The following MTMR7 variants were observed in gnomAD, a reference collection of about 807,000 sequenced individuals.
The protein encoded by MTMR7 is myotubularin related protein 7, also known as phosphatidylinositol-3-phosphate phosphatase MTMR7.
Under a neutral mutation model 81.2 loss-of-function variants are expected in MTMR7, and 76 were observed. That is an observed-to-expected ratio of 0.94 (90% CI 0.78 to 1.13). The LOEUF is 1.13. Among genes scored for constraint, MTMR7 ranks in the 50% most tolerant of loss-of-function variants. MTMR7 has a pLI of 0.00. For missense variants in MTMR7, 1,044 were observed against 820.0 expected (o/e 1.27, Z -3.34); for synonymous variants, 372 against 289.8 (o/e 1.28, Z -2.88).
intron 3 of MTMR7, among the ~76,000 whole-genome samples, chr8:17,368,692 A>T (rs1289822627): frequency 6.6e-6 from 1 of 152,206 alleles, no homozygotes; most frequent in East Asian, 1.9e-4. Context: ...CTTTAACATT[A>T]CACTGTGAAC....
chr8:17,404,957 C>T (rs1392498963), intron 1 of MTMR7, among the ~76,000 whole-genome samples: 4 of 152,148 alleles, frequency 2.6e-5, no homozygotes, highest in Admixed American at 2.0e-4. Flanking sequence ...TCCAGAGTAG[C>T]TAGGATTACA....
At chr8:17,351,253 T>G (rs183090347) in intron 4 of MTMR7, among the ~76,000 whole-genome samples, 175 of 152,358 alleles carry the variant, frequency 1.1e-3, no homozygotes, top group African/African-American at 4.0e-3. Flanking sequence ...AACAGTAACA[T>G]GCAAGATTTG....
chr8:17,367,298 C>A (rs575829035), intron 3 of MTMR7, among the ~76,000 whole-genome samples: 1 of 152,078 alleles, frequency 6.6e-6, no homozygotes, highest in South Asian at 2.1e-4. Context: ...TGTTGAAGTA[C>A]CCACAAACAC....
At chr8:17,384,230 A>G (rs540988907) in intron 1 of MTMR7, among the ~76,000 whole-genome samples, 1 of 152,096 alleles carries the variant, frequency 6.6e-6, no homozygotes, top group South Asian at 2.1e-4. Context: ...GGGCAACAAG[A>G]TGAGATCCCC....
intron 3 of MTMR7, among the ~76,000 whole-genome samples, chr8:17,369,469 C>T (rs4921765): frequency 0.15 from 23,050 of 152,008 alleles, 2,040 homozygotes; most frequent in East Asian, 0.39. Flanking sequence ...TTGAAAAGTT[C>T]ATAATTGAAC....
At chr8:17,301,233 A>G (rs1373710649) in intron 13 of MTMR7, among the ~76,000 whole-genome samples, 1 of 152,210 alleles carries the variant, frequency 6.6e-6, no homozygotes, top group African/African-American at 2.4e-5. Flanking sequence ...GAGCAGAGAG[A>G]GGCAGAGTTC....
chr8:17,302,505 T>C (rs553505461), intron 12 of MTMR7: 26 of 459,222 alleles, frequency 5.7e-5, no homozygotes, highest in Non-Finnish European at 9.5e-5. Context: ...AGTCTGCCTG[T>C]ATATATGAAT....
At chr8:17,355,823 A>G (rs1055713162) in intron 4 of MTMR7, among the ~76,000 whole-genome samples, 4 of 152,252 alleles carry the variant, frequency 2.6e-5, no homozygotes, top group African/African-American at 9.6e-5. Context: ...AACAGCCAAG[A>G]AACACAAGCT....
chr8:17,407,303 T>C (rs1821616282), intron 1 of MTMR7, among the ~76,000 whole-genome samples: 1 of 152,070 alleles, frequency 6.6e-6, no homozygotes, highest in Admixed American at 6.5e-5. Context: ...AGTGCTATTC[T>C]CCCCTTTAAA....
intron 5 of MTMR7, among the ~76,000 whole-genome samples, chr8:17,342,958 G>A (rs1819446584): frequency 6.6e-6 from 1 of 152,012 alleles, no homozygotes; most frequent in South Asian, 2.1e-4. Context: ...GACTTGGCAA[G>A]CAGAAGGCAA....
chr8:17,306,440 A>G (rs1328301569), intron 10 of MTMR7, among the ~76,000 whole-genome samples: 1 of 152,100 alleles, frequency 6.6e-6, no homozygotes, highest in African/African-American at 2.4e-5. Context: ...TCCCATTCCT[A>G]AAGCGGTTAA....
intron 4 of MTMR7, among the ~76,000 whole-genome samples, chr8:17,350,699 A>G (rs567415851): frequency 5.3e-5 from 8 of 152,148 alleles, no homozygotes; most frequent in Non-Finnish European, 1.0e-4. Flanking sequence ...AAAACCCACA[A>G]CTGAAATCCA....
chr8:17,306,161 G>T (rs1449698309), intron 10 of MTMR7, among the ~76,000 whole-genome samples: 2 of 152,084 alleles, frequency 1.3e-5, no homozygotes, highest in Non-Finnish European at 2.9e-5. Flanking sequence ...GGATAGAAGG[G>T]ATGCGTTCAC....
At chr8:17,379,787 GTTTGTT>G (rs1187357222) in intron 1 of MTMR7, among the ~76,000 whole-genome samples, 8 of 152,176 alleles carry the variant, frequency 5.3e-5, no homozygotes, top group African/African-American at 9.6e-5. Context: ...TTTTTTGATT[GTTTGTT>G]TTTGTTTTTG....
intron 1 of MTMR7, among the ~76,000 whole-genome samples, chr8:17,392,421 T>C (rs1007174928): frequency 4.6e-5 from 7 of 152,348 alleles, no homozygotes; most frequent in East Asian, 3.9e-4. Context: ...TTTCAAGGTG[T>C]ACAGTGCCTT....
intron 1 of MTMR7, among the ~76,000 whole-genome samples, chr8:17,406,150 T>A (rs1168872956): frequency 1.3e-5 from 2 of 152,114 alleles, no homozygotes; most frequent in Non-Finnish European, 2.9e-5. Flanking sequence ...AAAAAATAAG[T>A]TGGACTTCAT....
intron 1 of MTMR7, among the ~76,000 whole-genome samples, chr8:17,374,235 C>G (rs1029248287): frequency 2.6e-5 from 4 of 152,220 alleles, no homozygotes; most frequent in Non-Finnish European, 5.9e-5. Context: ...TCTGTAATCC[C>G]AGCACTTTGG....
At chr8:17,371,851 G>GTTT (rs33920646) in intron 2 of MTMR7, among the ~76,000 whole-genome samples, 10 of 104,826 alleles carry the variant, frequency 9.5e-5, no homozygotes, top group East Asian at 2.5e-4. Context: ...CTTACCTATA[G>GTTT]TTTTTTTTTT....
At chr8:17,379,348 T>C (rs771415732) in intron 1 of MTMR7, among the ~76,000 whole-genome samples, 1 of 152,132 alleles carries the variant, frequency 6.6e-6, no homozygotes, top group African/African-American at 2.4e-5. Context: ...CCACGCGAAC[T>C]CCACCCCGGA....
Sources: gnomAD v4.1 joint callset for allele counts (sites outside exome capture counted in the v4.1 genomes callset) on GRCh38, gnomAD v4.1.1 for gene constraint, MANE v1.5 for transcripts, NCBI Gene and HGNC (gene_info 2026-07-23, HGNC 2026-07-21) for gene names.